KIAA2012: variants seen among roughly 807,000 people sequenced by gnomAD.
KIAA2012 encodes the protein uncharacterized protein KIAA2012.
A neutral mutation model predicts 150.6 loss-of-function variants in KIAA2012; 125 were observed. That is an observed-to-expected ratio of 0.83 (90% CI 0.72 to 0.96). KIAA2012 has a LOEUF of 0.96. Ranked by LOEUF, KIAA2012 falls within the 40% of genes least tolerant of loss-of-function variation. The pLI, the probability that KIAA2012 is intolerant of heterozygous loss-of-function variation, is 0.00. For synonymous variants in KIAA2012, 462 were observed against 504.7 expected, an observed-to-expected ratio of 0.92 and a Z score of 1.13; for missense variants, 1,219 against 1,354.9, an observed-to-expected ratio of 0.90 and a Z score of 1.57.
At chr2:202,109,347 T>C (rs1281395033) in intron 9 of KIAA2012, among the ~76,000 whole-genome samples, 1 of 152,184 alleles carries the variant, frequency 6.6e-6, no homozygotes, top group East Asian at 1.9e-4. Context: ...GCCACGATTC[T>C]AGCCAAGAGT....
intron 13 of KIAA2012, among the ~76,000 whole-genome samples, chr2:202,147,980 G>GAGAT (rs1373393573): frequency 6.6e-6 from 1 of 152,204 alleles, no homozygotes; most frequent in African/African-American, 2.4e-5. Flanking sequence ...TGGGGCAGAA[G>GAGAT]AGATCACTGT....
At chr2:202,135,859 G>A (rs947167933) in intron 12 of KIAA2012, 3 of 175,864 alleles carry the variant, frequency 1.7e-5, no homozygotes, top group African/African-American at 2.4e-5. Context: ...GTGATGTGGA[G>A]GGGAAAGTGC....
Position 202,195,421 on chromosome 2 carries a change from T to C in KIAA2012, c.3187+1059T>C, listed in dbSNP as rs1449963553. Reference sequence around the variant, plus strand: ...TAGTCCCAGCTACTTCTTGGGAGGCTGAGGCAGGAGAATCACTTGAACCCA... The same window carrying C: ...TAGTCCCAGCTACTTCTTGGGAGGCCGAGGCAGGAGAATCACTTGAACCCA... On this transcript the variant is annotated intron_variant, in intron 21 of 23. Transcript: ENST00000498697. Among the ~76,000 whole-genome samples, 9 of 151,814 alleles carry C rather than the reference T, an allele frequency of 5.9e-5. No homozygotes were observed. The East Asian group carries it at 1.8e-3, about 30-fold the overall frequency.
At chr2:202,201,361 C>A (rs1692520886) in intron 22 of KIAA2012, 20 of 1,584,440 alleles carry the variant, frequency 1.3e-5, no homozygotes, top group Non-Finnish European at 1.6e-5. Flanking sequence ...TTTCCCGGCA[C>A]AAAGGTGGCC....
intron 3 of KIAA2012, among the ~76,000 whole-genome samples, chr2:202,092,069 T>C (rs1327764197): frequency 6.6e-6 from 1 of 152,216 alleles, no homozygotes; most frequent in Non-Finnish European, 1.5e-5. Flanking sequence ...CATTCTCCTA[T>C]AGCCTAGGTC....
chr2:202,122,311 G>C (rs762825410), intron 11 of KIAA2012, among the ~76,000 whole-genome samples: 30 of 152,206 alleles, frequency 2.0e-4, no homozygotes, highest in Non-Finnish European at 3.2e-4. Context: ...GACAACACTG[G>C]GTGAGGGCCC....
intron 12 of KIAA2012, 131 bp downstream of exon 12, chr2:202,125,413 T>C: frequency 1.4e-6 from 1 of 716,464 alleles, no homozygotes; most frequent in Non-Finnish European, 2.3e-6. Flanking sequence ...CAGAGAGGAT[T>C]TGCTTCTTGG....
chr2:202,169,174 G>A (rs920479009), intron 15 of KIAA2012, among the ~76,000 whole-genome samples: 2 of 152,188 alleles, frequency 1.3e-5, no homozygotes, highest in African/African-American at 4.8e-5. Context: ...GCTGCTTGAA[G>A]GCAAGGATCA....
intron 4 of KIAA2012, among the ~76,000 whole-genome samples, chr2:202,094,951 A>C (rs999406228): frequency 2.6e-5 from 4 of 152,250 alleles, no homozygotes; most frequent in African/African-American, 7.2e-5. Context: ...AATAGTGATT[A>C]AACATGTGGC....
chr2:202,201,853 T>C lies in KIAA2012; in HGVS notation c.3408-576T>C, dbSNP rs1261312280. ...TTCCCAGGAGGCTGCACAGGCTAGG[T>C]TGGCTGTGTTGGATATTGACCTTTG... On this transcript the variant is annotated intron_variant, in intron 22 of 23. Coordinates refer to ENST00000498697, the MANE Select transcript of KIAA2012 (RefSeq NM_001277372.4). 12 of 1,269,752 alleles carry C rather than the reference T, an allele frequency of 9.5e-6. No individual in the cohort carries two copies. In the Middle Eastern group the frequency reaches 1.1e-3, roughly 117 times the overall value. The allele number at this position is 1,269,752 out of a possible 1,614,324, so 78.7% of individuals were successfully genotyped here.
Position 202,154,816 on chromosome 2 carries a change from C to T in KIAA2012, c.2046+6C>T. ...ACATGACGCCGTTCCTGAAGGTGAT[C>T]TCACACTGAGAAGACGAGGGGTTTT... On this transcript the variant is annotated splice_donor_region_variant and intron_variant, in intron 14 of 23. Coordinates refer to ENST00000498697, the MANE Select transcript of KIAA2012 (RefSeq NM_001277372.4). The T allele has an allele frequency of 6.5e-7, 1 of 1,543,940 alleles. No homozygotes were observed. Among genetic ancestry groups the T allele is most frequent in the Non-Finnish European group, 8.7e-7 (1 of 1,145,252 alleles).
chr2:202,081,584 G>C (rs566419299), intron 2 of KIAA2012, among the ~76,000 whole-genome samples: 253 of 105,578 alleles, frequency 2.4e-3, no homozygotes, highest in African/African-American at 9.0e-3. Context: ...TTTCGCTCTT[G>C]TTGCCCAGAC....
intron 13 of KIAA2012, among the ~76,000 whole-genome samples, chr2:202,150,738 G>A (rs1159419837): frequency 3.3e-5 from 5 of 152,090 alleles, no homozygotes; most frequent in East Asian, 1.9e-4. Flanking sequence ...ATAAGCCACC[G>A]CACCTGTCCA....
In KIAA2012 at chr2:202,193,391, A is replaced by G; in HGVS notation, c.2902A>G (p.Lys968Glu). ...AEMRWLEVEK[K>E]RREQEEQRQL... The stretch of plus-strand genomic sequence containing the variant: ...GATGAGGTGGCTGGAGGTGGAGAAG[A>G]AGAGAAGGGAGCAGGAAGAGCAAAG... Residue 968 changes from lysine (K) to glutamate (E), a missense_variant, in exon 20 of 24, where the codon AAG becomes GAG. By Grantham distance (56) the Lys-to-Glu change is moderately conservative. Transcript: ENST00000498697. 1 of 1,550,342 alleles carries G rather than the reference A, an allele frequency of 6.5e-7. No homozygotes were observed. The highest frequency in any genetic ancestry group is 8.7e-7 in the Non-Finnish European group (1 of 1,146,844).
intron 13 of KIAA2012, among the ~76,000 whole-genome samples, chr2:202,142,862 A>G (rs1230175020): frequency 6.6e-6 from 1 of 151,784 alleles, no homozygotes; most frequent in Non-Finnish European, 1.5e-5. Context: ...CTGAGATTTA[A>G]TACTAATGTT....
chr2:202,089,472 C>T (rs1455031135), intron 2 of KIAA2012, among the ~76,000 whole-genome samples: 1 of 152,208 alleles, frequency 6.6e-6, no homozygotes, highest in Non-Finnish European at 1.5e-5. Context: ...GAACAAGAAG[C>T]TTTGCACTGA....
intron 12 of KIAA2012, chr2:202,135,993 TAAAA>T: frequency 3.6e-6 from 1 of 275,590 alleles, no homozygotes. Context: ...GATTCAAATT[TAAAA>T]AAAAAAAAAA....
At position 202,090,809 on chromosome 2, in the gene KIAA2012, C is replaced by T; in HGVS notation, c.409C>T (p.Arg137Ter). Residue 137 changes from arginine to a stop codon, truncating the protein, a stop_gained, in exon 3 of 24, where the codon CGA (arginine) becomes TGA (stop). Transcript: ENST00000498697. LOFTEE classifies it high-confidence loss of function. The part of the protein sequence containing the change: ...DRAWQPYLHF[R>*]SQLESQAQRQ... ...AGCCTGGCAACCATACCTCCACTTC[C>T]GAAGCCAGCTGGAGAGCCAGGCCCA... 3 of 1,550,562 alleles carry T rather than the reference C, an allele frequency of 1.9e-6. No individual in the cohort carries two copies. Among genetic ancestry groups the T allele is most frequent in the Non-Finnish European group, 2.6e-6 (3 of 1,146,942 alleles).
intron 18 of KIAA2012, among the ~76,000 whole-genome samples, 163 bp downstream of exon 18, chr2:202,188,429 T>C (rs1188529338): frequency 6.6e-6 from 1 of 152,116 alleles, no homozygotes; most frequent in Non-Finnish European, 1.5e-5. Flanking sequence ...CATATCAGTA[T>C]CTTAATAGAC....
Sources: allele counts gnomAD v4.1 joint callset (sites outside exome capture counted in the v4.1 genomes callset), GRCh38; gene constraint gnomAD v4.1.1; transcripts MANE v1.5; gene names NCBI Gene and HGNC (gene_info 2026-07-23, HGNC 2026-07-21).